Variants in COL25A1 observed in about 807,000 individuals in gnomAD.
COL25A1 encodes collagen type XXV alpha 1 chain, also known as collagen alpha-1(XXV) chain.
Under a neutral mutation model 128.4 loss-of-function variants are expected in COL25A1, and 103 were observed. The ratio of observed to expected loss-of-function variants is 0.80; its 90% CI spans 0.68 to 0.94. The LOEUF (loss-of-function observed/expected upper bound fraction) is 0.94. COL25A1 is among the 40% of genes least tolerant of loss of function. The pLI is 0.00. For synonymous variants in COL25A1, 279 were observed against 277.2 expected (o/e 1.01, Z -0.06); for missense variants, 745 against 840.0 (o/e 0.89, Z 1.40).
intron 3 of COL25A1, among the ~76,000 whole-genome samples, chr4:109,157,319 C>T (rs1578313573): frequency 6.6e-6 from 1 of 151,904 alleles, no homozygotes; most frequent in South Asian, 2.1e-4. Context: ...CAACTAAAAC[C>T]CAAAGAACAT....
chr4:109,144,587 AC>A (rs952833719), intron 3 of COL25A1, among the ~76,000 whole-genome samples: 16 of 152,292 alleles, frequency 1.1e-4, no homozygotes, highest in African/African-American at 3.4e-4. Flanking sequence ...TTTCAGAGAT[AC>A]CCTGCCCAAG....
intron 3 of COL25A1, among the ~76,000 whole-genome samples, chr4:109,093,755 T>C (rs1765160802): frequency 6.6e-6 from 1 of 152,220 alleles, no homozygotes; most frequent in Non-Finnish European, 1.5e-5. Context: ...AAATAATATA[T>C]GAGGCCAAAC....
chr4:108,951,929 T>C (rs1223710134), intron 8 of COL25A1, among the ~76,000 whole-genome samples: 1 of 152,162 alleles, frequency 6.6e-6, no homozygotes, highest in Non-Finnish European at 1.5e-5. Context: ...AAACCGTAAG[T>C]TCTGAAACAC....
At chr4:109,247,648 G>T (rs1323574529) in intron 3 of COL25A1, among the ~76,000 whole-genome samples, 3 of 152,176 alleles carry the variant, frequency 2.0e-5, no homozygotes, top group Non-Finnish European at 4.4e-5. Context: ...GATAGATAGA[G>T]GAGGAGCATA....
intron 31 of COL25A1, 101 bp downstream of exon 31, chr4:108,841,594 A>C: frequency 3.2e-6 from 3 of 949,074 alleles, no homozygotes; most frequent in Non-Finnish European, 5.0e-6. Flanking sequence ...TATCAACATT[A>C]CTTGACAAAT....
At chr4:108,942,215 G>A (rs931092858) in intron 8 of COL25A1, 4 of 1,550,078 alleles carry the variant, frequency 2.6e-6, no homozygotes, top group East Asian at 2.4e-5. Context: ...AAACCTTGAC[G>A]GTGAGGATCT....
chr4:108,845,046 G>A lies in COL25A1; in HGVS notation c.1578+143C>T, dbSNP rs1578520059. 1.1e-5 allele frequency: 8 copies of A among 756,722 alleles called. No homozygotes were observed. The East Asian group carries it at 1.2e-4, about 12-fold the overall frequency. The allele number at this position is 756,722 out of a possible 1,614,324, so 46.9% of individuals were successfully genotyped here. A position where few individuals can be genotyped will look rare whatever the true frequency, so the allele number is the denominator to read the frequency against. On this transcript the variant is annotated intron_variant, in intron 29 of 37. Coordinates refer to ENST00000399132, the MANE Select transcript of COL25A1 (RefSeq NM_198721.4). ...GTATCACTGTGCAGGGCTGACGGAT[G>A]TTTCTTCTACAGTTTGACAAACCAA...
intron 8 of COL25A1, among the ~76,000 whole-genome samples, chr4:108,972,008 T>C (rs1293790964): frequency 6.6e-6 from 1 of 152,100 alleles, no homozygotes; most frequent in Non-Finnish European, 1.5e-5. Flanking sequence ...GATCTTCAAG[T>C]TTTTCCAGCT....
intron 6 of COL25A1, among the ~76,000 whole-genome samples, chr4:108,987,659 C>T (rs1280903477): frequency 5.3e-5 from 8 of 152,300 alleles, no homozygotes; most frequent in Non-Finnish European, 1.5e-5. Flanking sequence ...CACAGGTGAG[C>T]CACCGCGCCC....
intron 3 of COL25A1, among the ~76,000 whole-genome samples, chr4:109,157,481 T>C (rs1380460821): frequency 6.6e-6 from 1 of 152,104 alleles, no homozygotes; most frequent in Non-Finnish European, 1.5e-5. Flanking sequence ...CTCCAATATA[T>C]TCACCTGTAC....
chr4:108,814,168 T>C (rs1731036673), intron 37 of COL25A1, among the ~76,000 whole-genome samples: 1 of 152,198 alleles, frequency 6.6e-6, no homozygotes, highest in Admixed American at 6.5e-5. Flanking sequence ...CCTTTGCCAC[T>C]GAGAATTATC....
At chr4:109,195,009 G>A (rs932327894) in intron 3 of COL25A1, among the ~76,000 whole-genome samples, 1 of 152,104 alleles carries the variant, frequency 6.6e-6, no homozygotes, top group African/African-American at 2.4e-5. Flanking sequence ...TGAGGGGATA[G>A]ATACTCCATT....
At chr4:109,079,059 C>T (rs1763616344) in intron 3 of COL25A1, among the ~76,000 whole-genome samples, 1 of 152,222 alleles carries the variant, frequency 6.6e-6, no homozygotes, top group Non-Finnish European at 1.5e-5. Flanking sequence ...GCTGATGCTT[C>T]TGGAAACAGA....
At chr4:108,996,308 A>C (rs1412127686) in intron 6 of COL25A1, among the ~76,000 whole-genome samples, 1 of 150,766 alleles carries the variant, frequency 6.6e-6, no homozygotes, top group Non-Finnish European at 1.5e-5. Context: ...AAAAAAAAAA[A>C]AAGGAGGGGT....
At chr4:109,197,414 TTA>T (rs1162878309) in intron 3 of COL25A1, among the ~76,000 whole-genome samples, 2 of 125,114 alleles carry the variant, frequency 1.6e-5, no homozygotes, top group African/African-American at 6.0e-5. Flanking sequence ...AAAATATATA[TTA>T]TATATTATAT....
At chr4:109,181,101 A>G (rs1297235816) in intron 3 of COL25A1, among the ~76,000 whole-genome samples, 1 of 151,910 alleles carries the variant, frequency 6.6e-6, no homozygotes, top group Non-Finnish European at 1.5e-5. Context: ...AAATTACAGC[A>G]CTCCTAAAAA....
At chr4:109,122,182 G>A (rs1768162005) in intron 3 of COL25A1, among the ~76,000 whole-genome samples, 1 of 152,074 alleles carries the variant, frequency 6.6e-6, no homozygotes, top group Admixed American at 6.6e-5. Flanking sequence ...TGTTCTGTAG[G>A]ATACTACAGT....
intron 6 of COL25A1, among the ~76,000 whole-genome samples, chr4:109,006,013 G>A (rs1240779414): frequency 2.0e-5 from 3 of 151,602 alleles, no homozygotes; most frequent in East Asian, 1.9e-4. Flanking sequence ...AAAAAAAGTA[G>A]GTATCATTTT....
At chr4:108,896,017 C>T (rs1468724589) in intron 16 of COL25A1, among the ~76,000 whole-genome samples, 2 of 147,664 alleles carry the variant, frequency 1.4e-5, no homozygotes, top group African/African-American at 5.0e-5. Flanking sequence ...GCGATCTCCG[C>T]TCACTGCAAG....
Sources: allele counts gnomAD v4.1 joint callset (sites outside exome capture counted in the v4.1 genomes callset), GRCh38; gene constraint gnomAD v4.1.1; transcripts MANE v1.5; gene names NCBI Gene and HGNC (gene_info 2026-07-23, HGNC 2026-07-21).